Variants in MSRA observed in about 807,000 individuals in gnomAD.
MSRA encodes the protein methionine sulfoxide reductase A, also known as mitochondrial peptide methionine sulfoxide reductase.
Under a neutral mutation model 31.3 loss-of-function variants are expected in MSRA, and 54 were observed. The observed-to-expected ratio is 1.73, with a 90% confidence interval of 1.39 to 2.17. The LOEUF (loss-of-function observed/expected upper bound fraction) is 2.17. MSRA is among the 30% of genes most tolerant of loss of function. MSRA has a pLI of 0.00. For synonymous variants in MSRA, 169 were observed against 116.5 expected, an observed-to-expected ratio of 1.45 and a Z score of -2.90; for missense variants, 507 against 300.9, an observed-to-expected ratio of 1.69 and a Z score of -5.07.
chr8:10,171,728 T>C lies in MSRA; in HGVS notation c.143-36105T>C, dbSNP rs150576118. ...CAACCATGTGTAAACACTTTGAACA[T>C]CATCTTTAAAATGTCTTTGCAGTTT... is the stretch of plus-strand genomic sequence containing the variant. On this transcript the variant is annotated intron_variant, in intron 1 of 5. Coordinates refer to ENST00000317173, the MANE Select transcript of MSRA (RefSeq NM_012331.5). Among the ~76,000 whole-genome samples, 319 of 152,352 alleles carry C rather than the reference T, an allele frequency of 2.1e-3. 1 individual carries two copies. The highest frequency in any genetic ancestry group is 1.8e-3 in the Non-Finnish European group (121 of 68,036).
chr8:10,425,293 G>C (rs1809080545), intron 5 of MSRA, among the ~76,000 whole-genome samples: 1 of 152,246 alleles, frequency 6.6e-6, no homozygotes. Flanking sequence ...AGGCGTGGGT[G>C]GGCTGCGGTT....
intron 1 of MSRA, among the ~76,000 whole-genome samples, chr8:10,207,574 T>C (rs1337654656): frequency 1.3e-5 from 2 of 152,134 alleles, no homozygotes; most frequent in Non-Finnish European, 2.9e-5. Flanking sequence ...GCTGGGTCTG[T>C]AGCCACCCAT....
intron 3 of MSRA, 99 bp downstream of exon 3, chr8:10,245,322 TA>T: frequency 8.7e-7 from 1 of 1,148,138 alleles, no homozygotes; most frequent in Non-Finnish European, 1.2e-6. Flanking sequence ...TATGTTTTTT[TA>T]AAAATGTTTC....
At chr8:10,084,266 T>C (rs543594180) in intron 1 of MSRA, among the ~76,000 whole-genome samples, 4 of 152,356 alleles carry the variant, frequency 2.6e-5, no homozygotes, top group South Asian at 4.1e-4. Flanking sequence ...CCTTAGCCTC[T>C]TTCTTTAAGG....
chr8:10,389,762 G>T (rs1028995454), intron 5 of MSRA, among the ~76,000 whole-genome samples: 17 of 112,476 alleles, frequency 1.5e-4, no homozygotes, highest in East Asian at 4.6e-4. Context: ...TTTTTTTAAA[G>T]TCTTTTTTTT....
chr8:10,167,665 C>G (rs1278546151), intron 1 of MSRA, among the ~76,000 whole-genome samples: 1 of 152,128 alleles, frequency 6.6e-6, no homozygotes, highest in Non-Finnish European at 1.5e-5. Context: ...TTTTGCTCCC[C>G]TACATCCTAA....
chr8:10,290,163 T>C (rs1464441530), intron 3 of MSRA, among the ~76,000 whole-genome samples: 1 of 152,166 alleles, frequency 6.6e-6, no homozygotes, highest in Non-Finnish European at 1.5e-5. Context: ...TACTTGCCCG[T>C]AGTAAATGCC....
intron 1 of MSRA, among the ~76,000 whole-genome samples, chr8:10,202,393 A>G (rs968327410): frequency 6.6e-6 from 1 of 152,186 alleles, no homozygotes; most frequent in South Asian, 2.1e-4. Context: ...TTTTATCCCT[A>G]GAGCAATATA....
chr8:10,312,719 C>A (rs1269899993), intron 4 of MSRA, among the ~76,000 whole-genome samples: 1 of 152,160 alleles, frequency 6.6e-6, no homozygotes, highest in Non-Finnish European at 1.5e-5. Flanking sequence ...TTAGTTTCCT[C>A]CAACGAACAC....
chr8:10,233,105 G>A (rs1811631166), intron 2 of MSRA, among the ~76,000 whole-genome samples: 1 of 152,162 alleles, frequency 6.6e-6, no homozygotes, highest in Non-Finnish European at 1.5e-5. Flanking sequence ...TAAATATTTT[G>A]TAAGGAACAA....
At chr8:10,381,275 C>T (rs1056627058) in intron 5 of MSRA, among the ~76,000 whole-genome samples, 1 of 152,162 alleles carries the variant, frequency 6.6e-6, no homozygotes, top group South Asian at 2.1e-4. Flanking sequence ...ATTTTTCTCT[C>T]CTTTCTTTTC....
chr8:10,256,894 A>G (rs950948375), intron 3 of MSRA, among the ~76,000 whole-genome samples: 2 of 152,138 alleles, frequency 1.3e-5, no homozygotes, highest in African/African-American at 4.8e-5. Flanking sequence ...TCCTGCCCCA[A>G]ATGGCTACCA....
intron 3 of MSRA, among the ~76,000 whole-genome samples, chr8:10,252,376 T>G (rs1797962324): frequency 6.6e-6 from 1 of 152,176 alleles, no homozygotes; most frequent in Non-Finnish European, 1.5e-5. Context: ...GATCATAGTT[T>G]TGTCATTTGG....
chr8:10,333,596 G>A (rs889192489), intron 5 of MSRA, among the ~76,000 whole-genome samples: 3 of 152,128 alleles, frequency 2.0e-5, no homozygotes, highest in Non-Finnish European at 4.4e-5. Context: ...GATAATAGTG[G>A]CTACTTCTTA....
intron 2 of MSRA, among the ~76,000 whole-genome samples, chr8:10,221,922 G>A (rs981712115): frequency 6.6e-6 from 1 of 152,154 alleles, no homozygotes; most frequent in African/African-American, 2.4e-5. Context: ...TGTGGCTGGC[G>A]TGTAATCAGC....
intron 1 of MSRA, chr8:10,059,248 A>G (rs1488104472): frequency 6.6e-6 from 1 of 152,212 alleles, no homozygotes; most frequent in African/African-American, 2.4e-5. Context: ...CAGATATATG[A>G]TGATAATAGC....
chr8:10,255,271 C>A (rs1365478075), intron 3 of MSRA, among the ~76,000 whole-genome samples: 1 of 152,190 alleles, frequency 6.6e-6, no homozygotes, highest in African/African-American at 2.4e-5. Context: ...TGGAAACTCG[C>A]AGGATTATTG....
At chr8:10,100,970 T>C (rs902512359) in intron 1 of MSRA, among the ~76,000 whole-genome samples, 1 of 152,174 alleles carries the variant, frequency 6.6e-6, no homozygotes, top group African/African-American at 2.4e-5. Context: ...TTATATCTCT[T>C]TTCCTATTAG....
chr8:10,314,184 A>C (rs1158776585), intron 4 of MSRA, among the ~76,000 whole-genome samples: 1 of 152,222 alleles, frequency 6.6e-6, no homozygotes, highest in Non-Finnish European at 1.5e-5. Flanking sequence ...GGTTCATCAA[A>C]AAGCATCATA....
Sources: gnomAD v4.1 joint callset for allele counts (sites outside exome capture counted in the v4.1 genomes callset) on GRCh38, gnomAD v4.1.1 for gene constraint, MANE v1.5 for transcripts, NCBI Gene and HGNC (gene_info 2026-07-23, HGNC 2026-07-21) for gene names.